Variants in TFEC observed in about 807,000 individuals in gnomAD.
TFEC encodes the protein class E basic helix-loop-helix protein 34.
A neutral mutation model predicts 41.6 loss-of-function variants in TFEC; 31 were observed. That is an observed-to-expected ratio of 0.74 (90% confidence interval 0.56 to 1.01). The LOEUF is 1.01. TFEC is among the 50% of genes least tolerant of loss of function. The probability of loss-of-function intolerance (pLI) is 0.00; values close to 1 mark genes in which losing one functional copy is unlikely to be tolerated. For synonymous variants in TFEC, 143 were observed against 140.6 expected (o/e 1.02, Z -0.12); for missense variants, 402 against 404.1 (o/e 0.99, Z 0.04).
intron 2 of TFEC, among the ~76,000 whole-genome samples, chr7:115,974,594 CATAA>C (rs1482125939): frequency 6.7e-6 from 1 of 148,896 alleles, no homozygotes; most frequent in African/African-American, 2.5e-5. Flanking sequence ...TCAGTATCTA[CATAA>C]ATAGAGTGGT....
chr7:116,047,759 G>A (rs1796204676), intron 3 of TFEC, among the ~76,000 whole-genome samples: 1 of 152,126 alleles, frequency 6.6e-6, no homozygotes, highest in Non-Finnish European at 1.5e-5. Flanking sequence ...CCAGTAGGGG[G>A]AAACTGACAC....
chr7:116,083,253 G>A (rs1032154622), intron 3 of TFEC, among the ~76,000 whole-genome samples: 3 of 151,590 alleles, frequency 2.0e-5, no homozygotes, highest in Non-Finnish European at 4.4e-5. Flanking sequence ...AAAGATTTTG[G>A]AGTGACTAGT....
At chr7:115,988,646 A>T (rs1793965568) in intron 1 of TFEC, among the ~76,000 whole-genome samples, 1 of 152,110 alleles carries the variant, frequency 6.6e-6, no homozygotes, top group African/African-American at 2.4e-5. Context: ...AGGGAGAAAG[A>T]AACAGAAACA....
At chr7:116,023,844 A>G (rs1478030949) in intron 1 of TFEC, among the ~76,000 whole-genome samples, 4 of 152,148 alleles carry the variant, frequency 2.6e-5, no homozygotes, top group Non-Finnish European at 5.9e-5. Flanking sequence ...CTTTTTATGT[A>G]GATTCCATCA....
Position 115,938,281 on chromosome 7 carries a change from CTCTA to C in TFEC, c.*2266_*2269del, listed in dbSNP as rs1284231011. The C allele has an allele frequency of 1.3e-5, 2 of 152,008 alleles. No individual in the cohort carries two copies. The highest frequency in any genetic ancestry group is 2.1e-4 in the South Asian group (1 of 4,830). 9.4% of individuals were successfully genotyped at this position (152,008 alleles called of 1,614,324 possible). A position where few individuals can be genotyped will look rare whatever the true frequency, so the allele number is the denominator to read the frequency against. On this transcript the variant is annotated 3_prime_UTR_variant, in exon 8 of 8. Transcript: ENST00000265440. ...AGATAAAATGAGAACTGAAGCCAGT[CTCTA>C]TCTAATAAAGTGGTGTGTTTTCTAT...
chr7:116,022,763 T>C (rs1351690770), intron 1 of TFEC, among the ~76,000 whole-genome samples: 1 of 152,204 alleles, frequency 6.6e-6, no homozygotes, highest in African/African-American at 2.4e-5. Flanking sequence ...TTATCTTTAA[T>C]ATCTTCATAA....
chr7:116,130,304 TTTCA>T (rs1299528802), intron 1 of TFEC, among the ~76,000 whole-genome samples: 1 of 152,226 alleles, frequency 6.6e-6, no homozygotes. Context: ...AATCTGACTC[TTTCA>T]TTGTTATCCT....
intron 3 of TFEC, among the ~76,000 whole-genome samples, chr7:116,062,946 T>A (rs912327282): frequency 1.3e-5 from 2 of 152,172 alleles, no homozygotes; most frequent in Non-Finnish European, 2.9e-5. Context: ...CTCTTAGGTA[T>A]TTATTTAAGA....
At chr7:116,147,071 CAA>C (rs139422100) in intron 1 of TFEC, among the ~76,000 whole-genome samples, 2,057 of 151,904 alleles carry the variant, frequency 0.014, 52 homozygotes, top group East Asian at 0.11. Flanking sequence ...CACAGAGAAT[CAA>C]AAGAGTGGAA....
intron 1 of TFEC, among the ~76,000 whole-genome samples, chr7:116,158,672 T>G (rs569845632): frequency 1.4e-4 from 22 of 152,226 alleles, no homozygotes; most frequent in Middle Eastern, 6.8e-3. Flanking sequence ...GTGCTCTCCT[T>G]GCTTAAAGTA....
intron 3 of TFEC, 91 bp from the exon 4 acceptor site, chr7:115,956,884 G>A: frequency 1.4e-6 from 1 of 702,558 alleles, no homozygotes; most frequent in Middle Eastern, 4.5e-4. Flanking sequence ...CACTTTAAAT[G>A]TGGCATTTTG....
upstream of TFEC, among the ~76,000 whole-genome samples, chr7:116,032,733 C>T (rs1274304683): frequency 6.6e-6 from 1 of 151,976 alleles, no homozygotes; most frequent in African/African-American, 2.4e-5. Context: ...TTAATGGGCA[C>T]TAGGCTTAAT....
intron 1 of TFEC, among the ~76,000 whole-genome samples, chr7:116,027,922 C>A (rs1584720543): frequency 6.6e-6 from 1 of 152,070 alleles, no homozygotes; most frequent in Non-Finnish European, 1.5e-5. Context: ...TTCTTTCAAA[C>A]CTGAAAAGAG....
intron 1 of TFEC, among the ~76,000 whole-genome samples, chr7:116,115,535 TC>T (rs532080497): frequency 1.3e-5 from 2 of 151,876 alleles, no homozygotes; most frequent in Admixed American, 6.6e-5. Flanking sequence ...TGGTAAGATG[TC>T]CTTCTCTTTT....
chr7:116,034,268 A>G (rs575631852), upstream of TFEC, among the ~76,000 whole-genome samples: 3 of 151,924 alleles, frequency 2.0e-5, no homozygotes, highest in Admixed American at 6.6e-5. Context: ...TACTTTCATG[A>G]CTTTATATCA....
intron 1 of TFEC, among the ~76,000 whole-genome samples, chr7:116,116,060 T>C (rs972772280): frequency 1.3e-5 from 2 of 151,920 alleles, no homozygotes; most frequent in Non-Finnish European, 2.9e-5. Context: ...GTATTTTCAC[T>C]AGAAAGAACA....
At chr7:115,987,436 GA>G (rs1793908621) in intron 1 of TFEC, among the ~76,000 whole-genome samples, 1 of 152,100 alleles carries the variant, frequency 6.6e-6, no homozygotes, top group African/African-American at 2.4e-5. Flanking sequence ...TCTCTAACTG[GA>G]TGTGCCAATA....
chr7:115,940,774 T>G lies in TFEC; in HGVS notation c.821A>C (p.Glu274Ala). ...AAAGGCTATAGCTTGATCACAGAGC[T>G]CAGGGCTTGGCCCCTGAGACACAGT... Reference protein sequence around the residue: ...QLTVSQGPSPELCDQAIAFSD... With the variant: ...QLTVSQGPSPALCDQAIAFSD... The change falls in exon 8 of 8, where the codon GAG becomes GCG. Residue 274 changes from glutamate to alanine, a missense_variant. Transcript: ENST00000265440. 1.2e-6 allele frequency: 2 copies of G among 1,613,480 alleles called. No individual in the cohort carries two copies. Among genetic ancestry groups the G allele is most frequent in the Non-Finnish European group, 1.7e-6 (2 of 1,179,644 alleles).
intron 3 of TFEC, among the ~76,000 whole-genome samples, chr7:116,051,941 AG>A (rs745670326): frequency 6.6e-6 from 1 of 152,048 alleles, no homozygotes; most frequent in Non-Finnish European, 1.5e-5. Flanking sequence ...GCATTGTTAG[AG>A]GAAACTAGAA....
Sources: allele counts gnomAD v4.1 joint callset (sites outside exome capture counted in the v4.1 genomes callset), GRCh38; gene constraint gnomAD v4.1.1; transcripts MANE v1.5; gene names NCBI Gene and HGNC (gene_info 2026-07-23, HGNC 2026-07-21).